The following NUP35 variants were observed in gnomAD, a reference collection of about 807,000 sequenced individuals.
The protein encoded by NUP35 is nucleoporin 35, also known as nucleoporin NUP35.
Under a neutral mutation model 41.5 loss-of-function variants are expected in NUP35, and 25 were observed. That is an observed-to-expected ratio of 0.60 (90% CI 0.44 to 0.84). The LOEUF is 0.84. Among genes scored for constraint, NUP35 ranks in the 40% least tolerant of loss-of-function variants. The probability of loss-of-function intolerance (pLI) is 0.00; values close to 1 mark genes in which losing one functional copy is unlikely to be tolerated. For synonymous variants in NUP35, 149 were observed against 130.7 expected, an observed-to-expected ratio of 1.14 and a Z score of -0.96; for missense variants, 396 against 396.6, an observed-to-expected ratio of 1.00 and a Z score of 0.01.
intron 5 of NUP35, among the ~76,000 whole-genome samples, chr2:183,153,433 G>C (rs1455673986): frequency 6.6e-6 from 1 of 152,140 alleles, no homozygotes; most frequent in Non-Finnish European, 1.5e-5. Flanking sequence ...GTTATTTCCT[G>C]GATACAGTGG....
chr2:183,133,270 A>G (rs1313479616), intron 3 of NUP35, among the ~76,000 whole-genome samples: 1 of 151,860 alleles, frequency 6.6e-6, no homozygotes, highest in South Asian at 2.1e-4. Context: ...CAAATATTGT[A>G]CATTAGAAAC....
chr2:183,150,107 A>G (rs1685412449), intron 4 of NUP35, among the ~76,000 whole-genome samples: 1 of 152,066 alleles, frequency 6.6e-6, no homozygotes, highest in African/African-American at 2.4e-5. Context: ...GGGTTTCACC[A>G]TGTTGGCCAA....
At chr2:183,144,844 A>G (rs149004271) in intron 4 of NUP35, among the ~76,000 whole-genome samples, 161 of 152,348 alleles carry the variant, frequency 1.1e-3, no homozygotes, top group African/African-American at 3.8e-3. Context: ...TGTATAAGTA[A>G]TTATATTTTT....
intron 4 of NUP35, among the ~76,000 whole-genome samples, chr2:183,143,927 A>T (rs1685188724): frequency 6.6e-6 from 1 of 152,210 alleles, no homozygotes; most frequent in South Asian, 2.1e-4. Flanking sequence ...GTCTGATTAA[A>T]TAGTCCTTAT....
At chr2:183,143,770 C>T (rs1685182541) in intron 4 of NUP35, among the ~76,000 whole-genome samples, 4 of 152,044 alleles carry the variant, frequency 2.6e-5, no homozygotes, top group Admixed American at 6.5e-5. Flanking sequence ...ATCATTGGTC[C>T]CCAAAACCTG....
At position 183,130,430 on chromosome 2, in the gene NUP35, C is replaced by CACA. The variant is rs765502576; in HGVS notation, c.227_229dup (p.Gln76dup). ...TTGTACACTGTAGGTGGGTCACCAC[C>CACA]ACAACCAGTTGTACCAGCTCATAAA... On this transcript the variant is annotated inframe_insertion, in exon 3 of 9. Coordinates refer to ENST00000295119, the MANE Select transcript of NUP35 (RefSeq NM_138285.5). 6.2e-7 allele frequency: 1 copy of CACA among 1,603,266 alleles called. No individual in the cohort carries two copies. The highest frequency in any genetic ancestry group is 2.2e-5 in the East Asian group (1 of 44,566).
chr2:183,143,028 C>T (rs1168288881), intron 4 of NUP35, among the ~76,000 whole-genome samples: 5 of 151,420 alleles, frequency 3.3e-5, no homozygotes, highest in Non-Finnish European at 7.4e-5. Flanking sequence ...TGGTTGCAGG[C>T]GCCTGTAGTC....
chr2:183,153,073 C>T (rs1433432713), intron 5 of NUP35, among the ~76,000 whole-genome samples: 1 of 152,156 alleles, frequency 6.6e-6, no homozygotes, highest in African/African-American at 2.4e-5. Context: ...GCGGAAGCCC[C>T]TGATAAACCC....
intron 3 of NUP35, among the ~76,000 whole-genome samples, chr2:183,133,203 T>G (rs1684754615): frequency 6.6e-6 from 1 of 152,166 alleles, no homozygotes; most frequent in East Asian, 1.9e-4. Flanking sequence ...TTTGTCACCC[T>G]TCTGTTTTTC....
intron 5 of NUP35, among the ~76,000 whole-genome samples, chr2:183,152,110 AACACACAC>A (rs67798004): frequency 1.6e-3 from 187 of 113,464 alleles, no homozygotes; most frequent in Non-Finnish European, 2.0e-3. Flanking sequence ...AACATTTACA[AACACACAC>A]ACACACACAC....
At chr2:183,157,964 A>G (rs1685729336) in intron 6 of NUP35, among the ~76,000 whole-genome samples, 1 of 152,066 alleles carries the variant, frequency 6.6e-6, no homozygotes, top group Non-Finnish European at 1.5e-5. Flanking sequence ...GTTGCTAGAG[A>G]TTGACTTAAC....
intron 5 of NUP35, among the ~76,000 whole-genome samples, chr2:183,152,742 CTG>C (rs1685514976): frequency 6.6e-6 from 1 of 152,096 alleles, no homozygotes; most frequent in Non-Finnish European, 1.5e-5. Flanking sequence ...GGTGAGGAAA[CTG>C]AGGTGTAGGC....
chr2:183,125,970 T>G (rs1259908486), intron 1 of NUP35, among the ~76,000 whole-genome samples: 5 of 152,182 alleles, frequency 3.3e-5, no homozygotes, highest in Non-Finnish European at 7.4e-5. Context: ...CAGTCCTGAT[T>G]AAGAGCCCAT....
intron 4 of NUP35, among the ~76,000 whole-genome samples, chr2:183,149,655 A>G (rs977694795): frequency 6.6e-6 from 1 of 152,212 alleles, no homozygotes; most frequent in African/African-American, 2.4e-5. Context: ...TGGGGGAGCC[A>G]AGAATCTCCA....
chr2:183,129,951 G>A (rs944605563), intron 2 of NUP35, among the ~76,000 whole-genome samples: 4 of 152,052 alleles, frequency 2.6e-5, no homozygotes, highest in African/African-American at 9.7e-5. Flanking sequence ...AACATGAATG[G>A]GATCTACTTA....
chr2:183,122,164 C>A (rs1212470470), upstream of NUP35, among the ~76,000 whole-genome samples: 1 of 151,864 alleles, frequency 6.6e-6, no homozygotes, highest in African/African-American at 2.4e-5. Flanking sequence ...GCAACCTCCA[C>A]CTCCTGGGTT....
intron 5 of NUP35, among the ~76,000 whole-genome samples, chr2:183,155,144 T>C (rs997407663): frequency 6.6e-6 from 1 of 152,216 alleles, no homozygotes; most frequent in African/African-American, 2.4e-5. Context: ...GAGACACAGC[T>C]GAACTGTATC....
chr2:183,127,671 C>G (rs1417051745), intron 1 of NUP35, among the ~76,000 whole-genome samples: 2 of 152,160 alleles, frequency 1.3e-5, no homozygotes, highest in Non-Finnish European at 2.9e-5. Context: ...GCAGCCTGTC[C>G]TTGTTTTTGG....
chr2:183,148,722 G>T (rs1035894232), intron 4 of NUP35, among the ~76,000 whole-genome samples: 5 of 152,096 alleles, frequency 3.3e-5, no homozygotes, highest in East Asian at 1.9e-4. Flanking sequence ...GCAGTGGCAT[G>T]ATCTTGGCTC....
Sources: allele counts gnomAD v4.1 joint callset (sites outside exome capture counted in the v4.1 genomes callset), GRCh38; gene constraint gnomAD v4.1.1; transcripts MANE v1.5; gene names NCBI Gene and HGNC (gene_info 2026-07-23, HGNC 2026-07-21).